The following PLEKHA7 variants were observed in gnomAD, a reference collection of about 807,000 sequenced individuals.
The protein encoded by PLEKHA7 is pleckstrin homology domain containing A7.
A neutral mutation model predicts 170.0 loss-of-function variants in PLEKHA7; 104 were observed. That is an observed-to-expected ratio of 0.61 (90% CI 0.52 to 0.72). PLEKHA7 has a LOEUF of 0.72. Ranked by LOEUF, PLEKHA7 falls within the 30% of genes least tolerant of loss-of-function variation. The pLI, the probability that PLEKHA7 is intolerant of heterozygous loss-of-function variation, is 0.00. For missense variants in PLEKHA7, 1,615 were observed against 1,671.7 expected, an observed-to-expected ratio of 0.97 and a Z score of 0.59; for synonymous variants, 648 against 660.8, an observed-to-expected ratio of 0.98 and a Z score of 0.30.
intron 3 of PLEKHA7, among the ~76,000 whole-genome samples, chr11:16,950,450 A>C (rs1484366643): frequency 6.6e-6 from 1 of 152,090 alleles, no homozygotes; most frequent in Non-Finnish European, 1.5e-5. Flanking sequence ...ATACCCACAA[A>C]GAAGAGGGTA....
At chr11:16,918,148 C>T (rs1858827620) in intron 3 of PLEKHA7, among the ~76,000 whole-genome samples, 1 of 152,178 alleles carries the variant, frequency 6.6e-6, no homozygotes, top group African/African-American at 2.4e-5. Flanking sequence ...CTTCCTGGGG[C>T]TCACAATTCA....
intron 3 of PLEKHA7, 144 bp from the exon 4 acceptor site, chr11:16,871,326 T>A: frequency 1.6e-6 from 1 of 621,576 alleles, no homozygotes; most frequent in Non-Finnish European, 2.8e-6. Context: ...TGAGACACAC[T>A]TAGTCTGTCA....
In PLEKHA7 at chr11:16,794,690, G is replaced by A. The variant is rs1384501211; in HGVS notation, c.2543C>T (p.Pro848Leu). The A allele has an allele frequency of 1.2e-6, 2 of 1,614,016 alleles. No individual in the cohort carries two copies. The highest frequency in any genetic ancestry group is 1.3e-5 in the African/African-American group (1 of 75,018). ...NPERKTVPLF[P>L]HPPVPSLSTS... ...TGAGAGTGAAGGCACAGGCGGGTGA[G>A]GAAACAAAGGCACCGTTTTTCTCTC... Residue 848 changes from proline (P) to leucine (L), a missense_variant, in exon 19 of 27, where the codon CCT (proline) becomes CTT (leucine). Physicochemically the swap from Pro to Leu is moderately conservative, Grantham distance 98. Transcript: ENST00000531066.
At chr11:16,837,769 G>A (rs1462345633) in intron 9 of PLEKHA7, among the ~76,000 whole-genome samples, 2 of 152,184 alleles carry the variant, frequency 1.3e-5, no homozygotes, top group Admixed American at 1.3e-4. Context: ...CAGCTTCTGG[G>A]TTTAATTCCA....
At chr11:16,977,227 T>C (rs1029678321) in intron 3 of PLEKHA7, among the ~76,000 whole-genome samples, 7 of 152,202 alleles carry the variant, frequency 4.6e-5, no homozygotes, top group Non-Finnish European at 1.0e-4. Context: ...CGACAGCTCC[T>C]AATTACTCAG....
intron 3 of PLEKHA7, among the ~76,000 whole-genome samples, chr11:16,925,724 C>T (rs1276036043): frequency 6.6e-6 from 1 of 152,244 alleles, no homozygotes; most frequent in Non-Finnish European, 1.5e-5. Flanking sequence ...TCGCCGGGGC[C>T]TTTCCGAGGA....
At chr11:16,990,437 G>A (rs1863979058) in intron 3 of PLEKHA7, among the ~76,000 whole-genome samples, 1 of 152,076 alleles carries the variant, frequency 6.6e-6, no homozygotes, top group Non-Finnish European at 1.5e-5. Flanking sequence ...ACTTGAGGCT[G>A]CACTGTTTCA....
chr11:16,830,928 T>C (rs1422338880), intron 9 of PLEKHA7, among the ~76,000 whole-genome samples: 1 of 152,370 alleles, frequency 6.6e-6, no homozygotes, highest in East Asian at 1.9e-4. Context: ...TTACTATGTA[T>C]GTACATGAGT....
chr11:16,817,862 A>G lies in PLEKHA7; in HGVS notation c.1344-540T>C, dbSNP rs1200368585. On this transcript the variant is annotated intron_variant, in intron 10 of 26. Coordinates refer to ENST00000531066, the MANE Select transcript of PLEKHA7 (RefSeq NM_001329630.2). This position sits in a 1 kb window ranked among gnomAD's most constrained non-coding sequence, Gnocchi z 4.4. ...TTGTCCACAGTCAAGTGCTCTGATC[A>G]TATCAGTTCCTTGCTGCAAAAACTT... 6.6e-6 allele frequency among the ~76,000 whole-genome samples: 1 copy of G among 152,134 alleles called. No homozygotes were observed. Among genetic ancestry groups the G allele is most frequent in the Admixed American group, 6.5e-5 (1 of 15,282 alleles).
At chr11:16,964,544 T>C (rs1000639035) in intron 3 of PLEKHA7, among the ~76,000 whole-genome samples, 1 of 152,204 alleles carries the variant, frequency 6.6e-6, no homozygotes, top group Admixed American at 6.5e-5. Flanking sequence ...CTCTTGGAAC[T>C]TCCTGAGGGG....
At chr11:16,815,506 A>C (rs1849682443) in intron 12 of PLEKHA7, among the ~76,000 whole-genome samples, 1 of 152,196 alleles carries the variant, frequency 6.6e-6, no homozygotes, top group African/African-American at 2.4e-5. Flanking sequence ...CCAACAGTGC[A>C]ACCTCACCCA....
intron 3 of PLEKHA7, among the ~76,000 whole-genome samples, chr11:16,988,052 CCTT>C (rs1285090964): frequency 1.3e-5 from 2 of 152,230 alleles, no homozygotes; most frequent in Admixed American, 1.3e-4. Flanking sequence ...TACCCTCTCT[CCTT>C]AACAAAGTGC....
At chr11:16,804,899 G>A (rs10160572) in intron 13 of PLEKHA7, among the ~76,000 whole-genome samples, 3 of 151,770 alleles carry the variant, frequency 2.0e-5, no homozygotes, top group East Asian at 1.9e-4. Context: ...CGGGGGGGGC[G>A]GTGCAGGGAG....
At chr11:16,948,349 A>G (rs1565145813) in intron 3 of PLEKHA7, among the ~76,000 whole-genome samples, 1 of 152,234 alleles carries the variant, frequency 6.6e-6, no homozygotes, top group Admixed American at 6.5e-5. Flanking sequence ...AGTATGCGAG[A>G]TATTATATAC....
chr11:16,886,902 G>C (rs1404971514), intron 3 of PLEKHA7, among the ~76,000 whole-genome samples: 2 of 151,988 alleles, frequency 1.3e-5, no homozygotes, highest in Non-Finnish European at 1.5e-5. Flanking sequence ...AGAGGGATTA[G>C]GGGCGTTAAG....
intron 25 of PLEKHA7, among the ~76,000 whole-genome samples, 171 bp downstream of exon 25, chr11:16,783,529 T>C (rs1488901075): frequency 1.3e-5 from 2 of 152,244 alleles, no homozygotes; most frequent in Non-Finnish European, 2.9e-5. Context: ...GCAGGCTCCC[T>C]TGCTGATCTG....
intron 3 of PLEKHA7, among the ~76,000 whole-genome samples, chr11:16,942,654 G>A (rs1860771579): frequency 6.6e-6 from 1 of 152,260 alleles, no homozygotes; most frequent in African/African-American, 2.4e-5. Flanking sequence ...TGATAAGGAA[G>A]ATTGTGAATG....
chr11:16,876,593 GA>G (rs1855312425), intron 3 of PLEKHA7, among the ~76,000 whole-genome samples: 1 of 152,330 alleles, frequency 6.6e-6, no homozygotes, highest in African/African-American at 2.4e-5. Context: ...CCTGGGCCAG[GA>G]AGTACTTGGG....
intron 8 of PLEKHA7, among the ~76,000 whole-genome samples, chr11:16,847,636 C>T (rs558753097): frequency 6.6e-6 from 1 of 152,050 alleles, no homozygotes; most frequent in African/African-American, 2.4e-5. Flanking sequence ...TTGAGACCAG[C>T]CTGGCCAACA....
Sources: allele counts gnomAD v4.1 joint callset (sites outside exome capture counted in the v4.1 genomes callset), GRCh38; gene constraint gnomAD v4.1.1; non-coding constraint Gnocchi (gnomAD v3.1); transcripts MANE v1.5; gene names NCBI Gene and HGNC (gene_info 2026-07-23, HGNC 2026-07-21).